The following AP3B2 variants were observed in gnomAD, a reference collection of about 807,000 sequenced individuals.
AP3B2 encodes adaptor related protein complex 3 subunit beta 2.
In AP3B2, 50 loss-of-function variants were observed where a neutral mutation model predicts 126.9. The ratio of observed to expected loss-of-function variants is 0.39; its 90% confidence interval spans 0.31 to 0.50. The LOEUF is 0.50. Among genes scored for constraint, AP3B2 ranks in the 20% least tolerant of loss-of-function variants. The probability of loss-of-function intolerance (pLI) is 0.79; values close to 1 mark genes in which losing one functional copy is unlikely to be tolerated. For missense variants in AP3B2, 1,177 were observed against 1,426.4 expected (o/e 0.83, Z 2.82); for synonymous variants, 541 against 565.0 (o/e 0.96, Z 0.60).
chr15:82,660,077 G>A (rs2047912499), intron 25 of AP3B2, 94 bp from the exon 26 acceptor site: 3 of 1,471,704 alleles, frequency 2.0e-6, no homozygotes, highest in Non-Finnish European at 2.8e-6. Context: ...CTCCCAGGCT[G>A]GGAAGGTATC....
intron 26 of AP3B2, 29 bp from the exon 27 acceptor site, chr15:82,659,739 G>A (rs762510546): frequency 6.2e-7 from 1 of 1,613,204 alleles, no homozygotes; most frequent in South Asian, 1.1e-5. Flanking sequence ...GGGTGAGGAA[G>A]AGCTGCTAAG....
chr15:82,667,351 TAGAC>T (rs2048076983), intron 14 of AP3B2, among the ~76,000 whole-genome samples: 1 of 152,142 alleles, frequency 6.6e-6, no homozygotes, highest in South Asian at 2.1e-4. Context: ...CAGGGGGAAT[TAGAC>T]AACAAAAAGA....
intron 1 of AP3B2, among the ~76,000 whole-genome samples, chr15:82,690,563 T>C (rs1185275625): frequency 2.6e-5 from 4 of 151,618 alleles, no homozygotes; most frequent in Non-Finnish European, 5.9e-5. Flanking sequence ...TTCATCCATG[T>C]CCCTACAAAG....
In AP3B2 at chr15:82,681,039, G is replaced by A. The variant is rs752080767; in HGVS notation, c.589-20C>T. Reference sequence around the variant, plus strand: ...CACCAGCTGGGGAAAGAACAAAGACGAGAGGGTGAACGCGAAGGGTGGAAG... The same window carrying A: ...CACCAGCTGGGGAAAGAACAAAGACAAGAGGGTGAACGCGAAGGGTGGAAG... On this transcript the variant is annotated intron_variant, in intron 6 of 26. Transcript: ENST00000535359. This position sits in a 1 kb window ranked among gnomAD's most constrained non-coding sequence, Gnocchi z 4.0. The A allele has an allele frequency of 2.5e-6, 4 of 1,613,532 alleles. No individual in the cohort carries two copies. Among genetic ancestry groups the A allele is most frequent in the Middle Eastern group, 1.6e-4 (1 of 6,062 alleles).
In AP3B2 at chr15:82,703,625, T is replaced by C. The variant is rs540354968; in HGVS notation, c.113+5969A>G. 2.0e-5 allele frequency among the ~76,000 whole-genome samples: 3 copies of C among 152,134 alleles called. No homozygotes were observed. The East Asian group carries it at 5.8e-4, about 29-fold the overall frequency. On this transcript the variant is annotated intron_variant, in intron 1 of 26. Transcript: ENST00000535359. Reference sequence around the variant, plus strand: ...GTTCCAAATAGCCAGAAAACGGCACTTTCGATTTTTCCATCCTACAAGATC... The same window carrying C: ...GTTCCAAATAGCCAGAAAACGGCACCTTCGATTTTTCCATCCTACAAGATC...
chr15:82,703,969 C>T (rs536000591), intron 1 of AP3B2, among the ~76,000 whole-genome samples: 25 of 152,242 alleles, frequency 1.6e-4, no homozygotes, highest in African/African-American at 5.5e-4. Context: ...CCTTCTATCA[C>T]CTCCTCTCCC....
At chr15:82,662,522 C>T (rs1240153723) in intron 23 of AP3B2, 172 bp downstream of exon 23, 29 of 732,658 alleles carry the variant, frequency 4.0e-5, no homozygotes, top group Non-Finnish European at 6.0e-5. Context: ...CTGATGTGAA[C>T]TTGCTTATTT....
At position 82,666,813 on chromosome 15, in the gene AP3B2, T is replaced by C; in HGVS notation, c.1786A>G (p.Ser596Gly). The C allele has an allele frequency of 6.2e-7, 1 of 1,613,950 alleles. No individual in the cohort carries two copies. Among genetic ancestry groups the C allele is most frequent in the African/African-American group, 1.3e-5 (1 of 75,036 alleles). The stretch of plus-strand genomic sequence containing the variant: ...AGGAAGAGCTTCTTGGCATGGCGGC[T>C]GAGGGCCCCACCCTGCTCGGAAGGG... ...IVPSEQGGAL[S>G]RHAKKLFLAP... Residue 596 changes from serine to glycine, a missense_variant, in exon 15 of 27, where the codon AGC (serine) becomes GGC (glycine). Coordinates refer to ENST00000535359, the MANE Select transcript of AP3B2 (RefSeq NM_001278512.2).
At chr15:82,686,058 T>A (rs1189465808) in intron 4 of AP3B2, 2 of 152,218 alleles carry the variant, frequency 1.3e-5, no homozygotes, top group Non-Finnish European at 2.9e-5. Flanking sequence ...TGCCTCAGTC[T>A]TTTGCCCTGG....
chr15:82,676,511 G>C lies in AP3B2; in HGVS notation c.1615C>G (p.Leu539Val). Residue 539 changes from leucine to valine, a missense_variant, in exon 14 of 27, where the codon CTG (leucine) becomes GTG (valine). By Grantham distance (32) the Leu-to-Val change is conservative. Coordinates refer to ENST00000535359, the MANE Select transcript of AP3B2 (RefSeq NM_001278512.2). ...TTGGCTGCCAGGTTGATGACCTGCA[G>C]CTTGACAATATCCTCCTCTGCTGTG... ...SFTAEEDIVK[L>V]QVINLAAKLY... The C allele has an allele frequency of 1.2e-6, 2 of 1,614,026 alleles. No individual in the cohort carries two copies.
Position 82,663,781 on chromosome 15 carries a change from C to G in AP3B2, c.2436+20G>C. ...GCCCTGGCCCATGAGCACACCCTGA[C>G]TCTGCCCCAAGGCTCTCACTGTTTT... On this transcript the variant is annotated intron_variant, in intron 20 of 26. Transcript: ENST00000535359. The G allele has an allele frequency of 6.2e-7, 1 of 1,607,650 alleles. No individual in the cohort carries two copies.
At chr15:82,696,471 A>G (rs1326774425) in intron 1 of AP3B2, among the ~76,000 whole-genome samples, 3 of 152,102 alleles carry the variant, frequency 2.0e-5, no homozygotes, top group Admixed American at 1.3e-4. Flanking sequence ...CCAGCTACTC[A>G]GGAGGCTGAG....
intron 1 of AP3B2, among the ~76,000 whole-genome samples, chr15:82,706,732 C>T (rs923077028): frequency 2.6e-5 from 4 of 152,182 alleles, no homozygotes; most frequent in Admixed American, 6.5e-5. Flanking sequence ...TCTATTCTTT[C>T]GTCATTTCAT....
chr15:82,680,902 G>A lies in AP3B2; in HGVS notation c.706C>T (p.Gln236Ter). 6.2e-7 allele frequency: 1 copy of A among 1,613,930 alleles called. No homozygotes were observed. Among genetic ancestry groups the A allele is most frequent in the East Asian group, 2.2e-5 (1 of 44,864 alleles). Residue 236 changes from glutamine to a stop codon, truncating the protein, a stop_gained, in exon 7 of 27, where the codon CAG (glutamine) becomes TAG (stop). Transcript: ENST00000535359. LOFTEE classifies it high-confidence loss of function. This position sits in a 1 kb window ranked among gnomAD's most constrained non-coding sequence, Gnocchi z 6.1. ...GTGAGCATGCTGATGATGACCACCT[G>A]GCCCCACTCCTCCACGTCGATCAGC... is the stretch of plus-strand genomic sequence containing the variant. ...NLLIDVEEWG[Q>*]VVIISMLTRY...
chr15:82,680,407 A>AGCCGGGCAGCCCGTGGGGCGGG lies in AP3B2; in HGVS notation c.1055+43_1055+64dup. 1 of 1,425,806 alleles carries AGCCGGGCAGCCCGTGGGGCGGG rather than the reference A, an allele frequency of 7.0e-7. No homozygotes were observed. The highest frequency in any genetic ancestry group is 2.6e-5 in the East Asian group (1 of 38,466). 88.3% of individuals were successfully genotyped at this position (1,425,806 alleles called of 1,614,324 possible). A position where few individuals can be genotyped will look rare whatever the true frequency, so the allele number is the denominator to read the frequency against. Reference sequence around the variant, plus strand: ...GCGGCTGGTGGGCGTGAGGGGGCGGAGCCGGGCAGCCCGTGGGGCGGGGCA... The same window carrying AGCCGGGCAGCCCGTGGGGCGGG: ...GCGGCTGGTGGGCGTGAGGGGGCGGAGCCGGGCAGCCCGTGGGGCGGGGCCGGGCAGCCCGTGGGGCGGGGCA... On this transcript the variant is annotated intron_variant, in intron 8 of 26. Coordinates refer to ENST00000535359, the MANE Select transcript of AP3B2 (RefSeq NM_001278512.2). The surrounding 1 kb of genome is among the most constrained non-coding windows in gnomAD (Gnocchi z 6.1).
chr15:82,707,770 AG>A (rs2048819406), intron 1 of AP3B2, among the ~76,000 whole-genome samples: 1 of 152,166 alleles, frequency 6.6e-6, no homozygotes, highest in South Asian at 2.1e-4. Flanking sequence ...AACCGTATCC[AG>A]GCCATCACCA....
rs74995677 is a variant in AP3B2, at chr15:82,669,115, C to A, written c.1666-2182G>T. Among the ~76,000 whole-genome samples, 709 of 152,276 alleles carry A rather than the reference C, an allele frequency of 4.7e-3. 3 individuals carry two copies. Among genetic ancestry groups the A allele is most frequent in the Non-Finnish European group, 7.2e-3 (491 of 68,020 alleles). Reference sequence around the variant, plus strand: ...TGCAATCCCTCACCTTGGGTATGGGCAAAACCTGAGACTTGCTTCTAACCA... The same window carrying A: ...TGCAATCCCTCACCTTGGGTATGGGAAAAACCTGAGACTTGCTTCTAACCA... On this transcript the variant is annotated intron_variant, in intron 14 of 26. Coordinates refer to ENST00000535359, the MANE Select transcript of AP3B2 (RefSeq NM_001278512.2).
At chr15:82,708,883 T>G (rs1160588047) in intron 1 of AP3B2, 1 of 152,312 alleles carries the variant, frequency 6.6e-6, no homozygotes, top group African/African-American at 2.4e-5. Flanking sequence ...TGTGCTCCCC[T>G]CTAGAGCATC....
chr15:82,686,624 A>G (rs1411061648), intron 4 of AP3B2: 1 of 151,870 alleles, frequency 6.6e-6, no homozygotes, highest in Admixed American at 6.6e-5. Flanking sequence ...CCTGTAGTAA[A>G]TTTTATTTTA....
Sources: gnomAD v4.1 joint callset for allele counts (sites outside exome capture counted in the v4.1 genomes callset) on GRCh38, gnomAD v4.1.1 for gene constraint, Gnocchi (gnomAD v3.1) non-coding constraint, MANE v1.5 for transcripts, NCBI Gene and HGNC (gene_info 2026-07-23, HGNC 2026-07-21) for gene names.